The following BCAS4 variants were observed in gnomAD, a reference collection of about 807,000 sequenced individuals.
BCAS4 encodes the protein breast carcinoma amplified sequence 4.
Under a neutral mutation model 15.7 loss-of-function variants are expected in BCAS4, and 9 were observed. The ratio of observed to expected loss-of-function variants is 0.57; its 90% confidence interval spans 0.34 to 1.00. The LOEUF is 1.00. Ranked by LOEUF, BCAS4 falls within the 50% of genes least tolerant of loss-of-function variation. BCAS4 has a pLI of 0.02. For missense variants in BCAS4, 225 were observed against 239.1 expected (o/e 0.94, Z 0.39); for synonymous variants, 101 against 99.5 (o/e 1.02, Z -0.09).
In BCAS4 at chr20:50,797,638, T is replaced by C. The variant is rs183014449; in HGVS notation, c.90+2465T>C. Among the ~76,000 whole-genome samples, 607 of 152,258 alleles carry C rather than the reference T, an allele frequency of 4.0e-3. 4 individuals carry two copies. Among genetic ancestry groups the C allele is most frequent in the African/African-American group, 0.014 (582 of 41,568 alleles). ...TAAACACTGTCCAATAGAAATATAA[T>C]TGGAGCTACAAATGTGAGCTACCTA... On this transcript the variant is annotated intron_variant, in intron 1 of 4. Transcript: ENST00000371608.
chr20:50,877,391 T>C (rs931257405), downstream of BCAS4: 1 of 152,258 alleles, frequency 6.6e-6, no homozygotes, highest in Non-Finnish European at 1.5e-5. Context: ...AAGGCTTGTT[T>C]ACCCACATTT....
chr20:50,799,048 CCAG>C (rs1347987172), intron 1 of BCAS4, among the ~76,000 whole-genome samples: 1 of 152,092 alleles, frequency 6.6e-6, no homozygotes, highest in Non-Finnish European at 1.5e-5. Flanking sequence ...GTCTAGTGTC[CCAG>C]GGACTCAGGC....
chr20:50,834,614 C>T (rs2088384580), intron 3 of BCAS4, among the ~76,000 whole-genome samples: 1 of 152,092 alleles, frequency 6.6e-6, no homozygotes, highest in South Asian at 2.1e-4. Context: ...TAAAGTATAC[C>T]ATTTGGAGGT....
intron 3 of BCAS4, among the ~76,000 whole-genome samples, chr20:50,831,042 AT>A (rs1159688343): frequency 6.6e-6 from 1 of 152,122 alleles, no homozygotes; most frequent in Non-Finnish European, 1.5e-5. Flanking sequence ...AATTTAGTGA[AT>A]TTTTACATAT....
At chr20:50,796,452 CATATATAT>C (rs1245993218) in intron 1 of BCAS4, among the ~76,000 whole-genome samples, 494 of 21,136 alleles carry the variant, frequency 0.023, 22 homozygotes, top group Middle Eastern at 0.1. Flanking sequence ...TCTTTTTCTC[CATATATAT>C]ATATATATAT....
chr20:50,870,751 ACATGCATTTGGCCTGTGCCCTGCAGGTCT>A (rs1420994005), intron 4 of BCAS4, among the ~76,000 whole-genome samples: 1 of 152,260 alleles, frequency 6.6e-6, no homozygotes, highest in African/African-American at 2.4e-5. Context: ...GACCCAGCAC[ACATGCATTTGGCCTGTGCCCTGCAGGTCT>A]GGGAACTCAG....
At chr20:50,870,457 C>T (rs1476288806) in intron 4 of BCAS4, among the ~76,000 whole-genome samples, 1 of 152,160 alleles carries the variant, frequency 6.6e-6, no homozygotes, top group Non-Finnish European at 1.5e-5. Context: ...CACCCTGTCA[C>T]GTGCTGTGAC....
chr20:50,865,334 G>A (rs1374029320), intron 4 of BCAS4, among the ~76,000 whole-genome samples: 1 of 152,062 alleles, frequency 6.6e-6, no homozygotes, highest in African/African-American at 2.4e-5. Context: ...CAAGTTTGGA[G>A]GGACCAGACT....
At chr20:50,836,188 T>C (rs1367844872) in intron 3 of BCAS4, among the ~76,000 whole-genome samples, 4 of 152,222 alleles carry the variant, frequency 2.6e-5, no homozygotes, top group African/African-American at 9.6e-5. Flanking sequence ...AGTGGTGGGA[T>C]TACCGGCGTG....
chr20:50,809,204 T>A (rs1184665320), intron 1 of BCAS4, among the ~76,000 whole-genome samples: 1 of 141,808 alleles, frequency 7.1e-6, no homozygotes, highest in Non-Finnish European at 1.5e-5. Context: ...CCTATTTTTT[T>A]AATTTTTTTT....
intron 3 of BCAS4, among the ~76,000 whole-genome samples, chr20:50,839,033 G>A (rs2088444432): frequency 6.6e-6 from 1 of 152,182 alleles, no homozygotes; most frequent in Non-Finnish European, 1.5e-5. Context: ...GATGGCAGGA[G>A]GCCTGACAGG....
chr20:50,870,243 G>A (rs1979565703), intron 4 of BCAS4, among the ~76,000 whole-genome samples: 1 of 152,258 alleles, frequency 6.6e-6, no homozygotes, highest in South Asian at 2.1e-4. Context: ...AAACCAGGCA[G>A]GGTCAGGGAT....
Position 50,876,730 on chromosome 20 carries a change from G to C in BCAS4, c.*122G>C. ...TTAAAAATATTTAAAAAAATGTCGA[G>C]ATGGGGTCTCACTATGTTGTCCAGA... On this transcript the variant is annotated 3_prime_UTR_variant, in exon 5 of 5. Transcript: ENST00000371608. The C allele has an allele frequency of 8.0e-7, 1 of 1,244,722 alleles. No homozygotes were observed. Among genetic ancestry groups the C allele is most frequent in the Non-Finnish European group, 1.1e-6 (1 of 950,780 alleles). 77.1% of individuals were successfully genotyped at this position (1,244,722 alleles called of 1,614,324 possible). A position where few individuals can be genotyped will look rare whatever the true frequency, so the allele number is the denominator to read the frequency against.
intron 4 of BCAS4, among the ~76,000 whole-genome samples, chr20:50,859,695 C>T (rs77358666): frequency 0.02 from 3,053 of 152,130 alleles, 41 homozygotes; most frequent in East Asian, 0.05. Context: ...AGCTTAGAGC[C>T]GCTGGAATGG....
intron 4 of BCAS4, among the ~76,000 whole-genome samples, chr20:50,864,830 A>T (rs1480311678): frequency 6.6e-6 from 1 of 152,022 alleles, no homozygotes; most frequent in African/African-American, 2.4e-5. Context: ...GCAGTGGCTC[A>T]TGCCTGTAAT....
At chr20:50,840,816 C>G in intron 3 of BCAS4, 2 of 1,054,758 alleles carry the variant, frequency 1.9e-6, no homozygotes, top group South Asian at 2.5e-5. Context: ...TAGTGGCCAC[C>G]ACTGAGTTGT....
intron 4 of BCAS4, among the ~76,000 whole-genome samples, chr20:50,853,443 A>G (rs1045375906): frequency 6.6e-6 from 1 of 150,764 alleles, no homozygotes; most frequent in Non-Finnish European, 1.5e-5. Context: ...CCCAGCCAAC[A>G]CCCCCCTTTC....
At chr20:50,801,442 A>G (rs1384036935) in intron 1 of BCAS4, among the ~76,000 whole-genome samples, 1 of 152,128 alleles carries the variant, frequency 6.6e-6, no homozygotes, top group East Asian at 1.9e-4. Context: ...ACAAAAAACA[A>G]AAAAGTCTCT....
chr20:50,844,890 T>G (rs987483494), intron 4 of BCAS4, among the ~76,000 whole-genome samples: 3 of 152,034 alleles, frequency 2.0e-5, no homozygotes, highest in African/African-American at 7.3e-5. Context: ...CAGGGGTGGG[T>G]GAGTCATTCA....
Sources: allele counts gnomAD v4.1 joint callset (sites outside exome capture counted in the v4.1 genomes callset), GRCh38; gene constraint gnomAD v4.1.1; transcripts MANE v1.5; gene names NCBI Gene and HGNC (gene_info 2026-07-23, HGNC 2026-07-21).